The following XIRP2 variants were observed in gnomAD, a reference collection of about 807,000 sequenced individuals.
XIRP2 encodes the protein xin actin-binding repeat-containing protein 2.
In XIRP2, 236 loss-of-function variants were observed where a neutral mutation model predicts 277.0. That is an observed-to-expected ratio of 0.85 (90% CI 0.77 to 0.95). The LOEUF is 0.95. Among genes scored for constraint, XIRP2 ranks in the 40% least tolerant of loss-of-function variants. The pLI, the probability that XIRP2 is intolerant of heterozygous loss-of-function variation, is 0.00. For synonymous variants in XIRP2, 1,490 were observed against 1,416.5 expected (o/e 1.05, Z -1.17); for missense variants, 4,640 against 4,157.5 (o/e 1.12, Z -3.19).
intron 9 of XIRP2, among the ~76,000 whole-genome samples, chr2:167,253,418 T>G (rs910230297): frequency 6.6e-6 from 1 of 151,838 alleles, no homozygotes; most frequent in African/African-American, 2.4e-5. Context: ...CAAATGACCC[T>G]GAGCATTTTA....
Position 167,248,198 on chromosome 2 carries a change from G to T in XIRP2, c.6806G>T (p.Arg2269Met). ...ACAGGCTTAAAAATGGCAATGGAAA[G>T]GTCCTTGAATCCAATCAACTTTAAC... ...TSTGLKMAME[R>M]SLNPINFNPE... is the part of the protein sequence containing the mutation. Residue 2269 changes from arginine to methionine, a missense_variant, in exon 9 of 11, where the codon AGG becomes ATG. By Grantham distance (91) the Arg-to-Met change is moderately conservative. Transcript: ENST00000409195. The T allele has an allele frequency of 6.2e-7, 1 of 1,613,674 alleles. No homozygotes were observed. The highest frequency in any genetic ancestry group is 8.5e-7 in the Non-Finnish European group (1 of 1,179,766).
intron 2 of XIRP2, among the ~76,000 whole-genome samples, chr2:166,907,147 G>T (rs1684545441): frequency 2.0e-5 from 3 of 152,112 alleles, no homozygotes; most frequent in African/African-American, 7.2e-5. Flanking sequence ...AACTTAGAAT[G>T]AAGATTTAAA....
chr2:166,892,011 C>G (rs1684118013), intron 1 of XIRP2, among the ~76,000 whole-genome samples: 1 of 152,116 alleles, frequency 6.6e-6, no homozygotes, highest in Admixed American at 6.6e-5. Context: ...ATATGCCTCA[C>G]AATCTTCGTC....
rs564234306 is a variant in XIRP2 at position 167,086,626 on chromosome 2, G to C, written c.409-49283G>C. ...TTTTCACATAGTCCCATATTTCTTG[G>C]AGGCTTTGCTCATTTCTTTTTATTG... On this transcript the variant is annotated intron_variant, in intron 2 of 10. Coordinates refer to ENST00000409195, the MANE Select transcript of XIRP2 (RefSeq NM_152381.6). Among the ~76,000 whole-genome samples, 27 of 152,048 alleles carry C rather than the reference G, an allele frequency of 1.8e-4. No homozygotes were observed. In the East Asian group the frequency reaches 4.5e-3, roughly 25 times the overall value.
At chr2:167,007,684 CT>C (rs1346706715) in intron 2 of XIRP2, among the ~76,000 whole-genome samples, 273 of 105,234 alleles carry the variant, frequency 2.6e-3, no homozygotes, top group African/African-American at 0.013. Flanking sequence ...TGTACACTCT[CT>C]CTCTCTCTCT....
At chr2:167,223,980 T>A (rs367722397) in intron 5 of XIRP2, among the ~76,000 whole-genome samples, 65 of 152,284 alleles carry the variant, frequency 4.3e-4, no homozygotes, top group African/African-American at 1.5e-3. Context: ...GGTTAATTTG[T>A]TATAAAAAAG....
intron 3 of XIRP2, among the ~76,000 whole-genome samples, chr2:167,195,322 A>G (rs1472040687): frequency 6.6e-6 from 1 of 152,190 alleles, no homozygotes; most frequent in African/African-American, 2.4e-5. Flanking sequence ...CTTTCCTGAC[A>G]AGGCTACTCG....
intron 4 of XIRP2, among the ~76,000 whole-genome samples, chr2:167,212,732 G>T (rs1694091068): frequency 1.3e-5 from 2 of 151,866 alleles, no homozygotes; most frequent in Non-Finnish European, 2.9e-5. Context: ...AGTATTTTTG[G>T]CCCCCAAAAT....
At chr2:166,943,013 ATTAAAT>A (rs1164606895) in intron 2 of XIRP2, among the ~76,000 whole-genome samples, 2 of 152,178 alleles carry the variant, frequency 1.3e-5, no homozygotes, top group Non-Finnish European at 2.9e-5. Flanking sequence ...TCCCACTTTC[ATTAAAT>A]TTAAATTTAA....
chr2:167,136,022 C>G lies in XIRP2; in HGVS notation c.522C>G (p.Asp174Glu). 6.2e-7 allele frequency: 1 copy of G among 1,610,494 alleles called. No individual in the cohort carries two copies. Among genetic ancestry groups the G allele is most frequent in the Non-Finnish European group, 8.5e-7 (1 of 1,178,576 alleles). The stretch of plus-strand genomic sequence containing the variant: ...AGAAAGGCAAGGAAACATCTTTTGA[C>G]AAGATGTCACCTGAAAGTGGTCACA... ...SDKKGKETSFDKMSPESGHSR... is the reference protein window; with the variant it reads ...SDKKGKETSFEKMSPESGHSR... Residue 174 changes from aspartate (D) to glutamate (E), a missense_variant, in exon 3 of 11, where the codon GAC becomes GAG. Coordinates refer to ENST00000409195, the MANE Select transcript of XIRP2 (RefSeq NM_152381.6).
Position 167,243,484 on chromosome 2 carries a change from ACT to A in XIRP2, c.2094_2095del (p.Gln699ThrfsTer13). The A allele has an allele frequency of 6.2e-7, 1 of 1,614,042 alleles. No individual in the cohort carries two copies. The highest frequency in any genetic ancestry group is 8.5e-7 in the Non-Finnish European group (1 of 1,179,966). On this transcript the variant is annotated frameshift_variant, in exon 9 of 11. Coordinates refer to ENST00000409195, the MANE Select transcript of XIRP2 (RefSeq NM_152381.6). LOFTEE classifies it high-confidence loss of function. ...CAAGACTGTGAGATACATGTTTGAA[ACT>A]CAACATCTAGATCAACTTGGACAGC... ...DVKTVRYMFE[T>X]QHLDQLGQLH...
chr2:167,216,954 T>C (rs1289430599), intron 4 of XIRP2, among the ~76,000 whole-genome samples: 6 of 138,480 alleles, frequency 4.3e-5, no homozygotes, highest in Middle Eastern at 6.9e-3. Flanking sequence ...TATGCAGCCA[T>C]AAAAAATGAT....
At chr2:167,177,919 C>T (rs919460018) in intron 3 of XIRP2, among the ~76,000 whole-genome samples, 1 of 151,722 alleles carries the variant, frequency 6.6e-6, no homozygotes, top group Admixed American at 6.6e-5. Context: ...GCAACCTAAA[C>T]AACCACAAAT....
intron 2 of XIRP2, among the ~76,000 whole-genome samples, chr2:166,952,105 C>G (rs2105396988): frequency 6.6e-6 from 1 of 152,094 alleles, no homozygotes; most frequent in South Asian, 2.1e-4. Context: ...TATAAGCACG[C>G]TTATCAGTTT....
At chr2:167,082,816 T>G (rs1260529796) in intron 2 of XIRP2, among the ~76,000 whole-genome samples, 17 of 152,188 alleles carry the variant, frequency 1.1e-4, no homozygotes, top group African/African-American at 4.1e-4. Context: ...TAAATCTGTT[T>G]CAGTTCATTG....
chr2:166,957,992 G>A (rs909686552), intron 2 of XIRP2, among the ~76,000 whole-genome samples: 1 of 151,818 alleles, frequency 6.6e-6, no homozygotes, highest in Admixed American at 6.6e-5. Flanking sequence ...TGATAGTTGA[G>A]TATAATTGCA....
intron 2 of XIRP2, among the ~76,000 whole-genome samples, chr2:166,965,675 G>C (rs4667528): frequency 0.99 from 150,836 of 152,048 alleles, 74,819 homozygotes; most frequent in East Asian, 1. Context: ...CCTTGACCAT[G>C]TAGACTCAAG....
chr2:166,941,091 A>G (rs1574099485), intron 2 of XIRP2, among the ~76,000 whole-genome samples: 2 of 152,194 alleles, frequency 1.3e-5, no homozygotes, highest in South Asian at 4.2e-4. Context: ...GGTGGGCTCC[A>G]CTCAGTTCGA....
intron 3 of XIRP2, among the ~76,000 whole-genome samples, chr2:167,164,013 G>GAC (rs1559003374): frequency 1.3e-5 from 2 of 152,036 alleles, no homozygotes; most frequent in Non-Finnish European, 2.9e-5. Context: ...GTATCACATT[G>GAC]TCTTGGTTAC....
Sources: allele counts gnomAD v4.1 joint callset (sites outside exome capture counted in the v4.1 genomes callset), GRCh38; gene constraint gnomAD v4.1.1; transcripts MANE v1.5; gene names NCBI Gene and HGNC (gene_info 2026-07-23, HGNC 2026-07-21).